BMP2K: variants seen among roughly 807,000 people sequenced by gnomAD.
BMP2K encodes BMP2 inducible kinase.
A neutral mutation model predicts 116.0 loss-of-function variants in BMP2K; 74 were observed. The observed-to-expected ratio is 0.64, with a 90% CI of 0.53 to 0.77. BMP2K has a LOEUF of 0.77. Among genes scored for constraint, BMP2K ranks in the 30% least tolerant of loss-of-function variants. The pLI, the probability that BMP2K is intolerant of heterozygous loss-of-function variation, is 0.00. For synonymous variants in BMP2K, 486 were observed against 502.5 expected (o/e 0.97, Z 0.44); for missense variants, 1,365 against 1,403.6 (o/e 0.97, Z 0.44).
At chr4:78,805,680 G>A (rs1728782292) in intron 1 of BMP2K, among the ~76,000 whole-genome samples, 1 of 152,036 alleles carries the variant, frequency 6.6e-6, no homozygotes, top group African/African-American at 2.4e-5. Flanking sequence ...TAGAAATACA[G>A]TTCCTTTAGG....
chr4:78,903,457 A>G (rs1383674435), intron 15 of BMP2K, among the ~76,000 whole-genome samples: 1 of 151,968 alleles, frequency 6.6e-6, no homozygotes, highest in Non-Finnish European at 1.5e-5. Flanking sequence ...TTATCAAAAT[A>G]CACATTAGTA....
At chr4:78,889,501 C>CTT (rs1733308997) in intron 15 of BMP2K, among the ~76,000 whole-genome samples, 1 of 152,132 alleles carries the variant, frequency 6.6e-6, no homozygotes, top group African/African-American at 2.4e-5. Flanking sequence ...CTTTGAAATA[C>CTT]TTTGTCATGT....
At chr4:78,847,540 A>G (rs1435901220) in intron 6 of BMP2K, among the ~76,000 whole-genome samples, 1 of 151,662 alleles carries the variant, frequency 6.6e-6, no homozygotes, top group Non-Finnish European at 1.5e-5. Flanking sequence ...TAGATTATAT[A>G]TGAGTGTTAA....
chr4:78,798,011 C>T (rs1317439221), intron 1 of BMP2K, among the ~76,000 whole-genome samples: 2 of 152,070 alleles, frequency 1.3e-5, no homozygotes, highest in Admixed American at 1.3e-4. Flanking sequence ...AATGGGGGGT[C>T]TCACTTCGTT....
intron 15 of BMP2K, among the ~76,000 whole-genome samples, chr4:78,897,350 A>G (rs1395771548): frequency 6.6e-6 from 1 of 152,156 alleles, no homozygotes; most frequent in Non-Finnish European, 1.5e-5. Context: ...ATATTAAATT[A>G]TGGCTTATTT....
At chr4:78,816,390 A>C (rs1262571193) in intron 1 of BMP2K, among the ~76,000 whole-genome samples, 1 of 152,112 alleles carries the variant, frequency 6.6e-6, no homozygotes, top group African/African-American at 2.4e-5. Flanking sequence ...CTATGATTTT[A>C]GCATACATTG....
intron 14 of BMP2K, chr4:78,879,867 A>G (rs987028934): frequency 2.0e-5 from 3 of 152,184 alleles, no homozygotes; most frequent in African/African-American, 7.2e-5. Context: ...TTAAATTTGT[A>G]TTTTATATAT....
chr4:78,778,970 C>T (rs1727377081), intron 1 of BMP2K, among the ~76,000 whole-genome samples: 1 of 152,162 alleles, frequency 6.6e-6, no homozygotes, highest in Non-Finnish European at 1.5e-5. Flanking sequence ...TTAAACAGAG[C>T]CAGGAAGACT....
At position 78,882,151 on chromosome 4, in the gene BMP2K, G is replaced by A. The variant is rs1004581857; in HGVS notation, c.1951+3260G>A. ...AAAGGAAAATAATATGCTGTTTAGG[G>A]AATATTTTATGTGTATTATCCAGAA... On this transcript the variant is annotated intron_variant, in intron 14 of 15. Coordinates refer to ENST00000502613, the MANE Select transcript of BMP2K (RefSeq NM_198892.2). 8.6e-5 allele frequency among the ~76,000 whole-genome samples: 13 copies of A among 151,808 alleles called. No homozygotes were observed. The East Asian group carries it at 2.5e-3, about 29-fold the overall frequency.
chr4:78,848,047 C>T (rs1479288063), intron 6 of BMP2K, among the ~76,000 whole-genome samples: 2 of 151,446 alleles, frequency 1.3e-5, no homozygotes, highest in East Asian at 1.9e-4. Context: ...AATTGTCAGG[C>T]GTAATGTGTA....
intron 9 of BMP2K, among the ~76,000 whole-genome samples, chr4:78,863,787 A>G (rs751032572): frequency 2.6e-5 from 4 of 152,184 alleles, no homozygotes; most frequent in African/African-American, 4.8e-5. Flanking sequence ...TCCTTCACAT[A>G]GAATGCCTGG....
intron 14 of BMP2K, among the ~76,000 whole-genome samples, chr4:78,885,572 C>T (rs906340311): frequency 1.3e-5 from 2 of 152,172 alleles, no homozygotes; most frequent in Admixed American, 1.3e-4. Context: ...TAGGGAATTC[C>T]AATTCTACTT....
intron 1 of BMP2K, among the ~76,000 whole-genome samples, chr4:78,812,278 A>G (rs1012754257): frequency 1.3e-5 from 2 of 152,116 alleles, no homozygotes; most frequent in Admixed American, 1.3e-4. Context: ...CTTTAATGGG[A>G]ATTTTTTTTT....
intron 1 of BMP2K, among the ~76,000 whole-genome samples, chr4:78,784,380 A>G (rs1454302256): frequency 1.3e-5 from 2 of 152,186 alleles, no homozygotes; most frequent in Non-Finnish European, 2.9e-5. Context: ...TCTTGCATGC[A>G]TCTGGTGAAC....
chr4:78,834,979 T>A (rs1730398943), intron 3 of BMP2K, among the ~76,000 whole-genome samples: 1 of 152,218 alleles, frequency 6.6e-6, no homozygotes, highest in Non-Finnish European at 1.5e-5. Context: ...TGCTGATTTT[T>A]TTCTACCCCA....
chr4:78,825,175 G>A (rs1197541468), intron 1 of BMP2K, among the ~76,000 whole-genome samples: 3 of 152,154 alleles, frequency 2.0e-5, no homozygotes, highest in Non-Finnish European at 4.4e-5. Flanking sequence ...CTGTACTCCA[G>A]CCTGGGCAAC....
intron 10 of BMP2K, among the ~76,000 whole-genome samples, chr4:78,869,265 C>G (rs930791833): frequency 1.3e-5 from 2 of 152,210 alleles, no homozygotes; most frequent in African/African-American, 4.8e-5. Context: ...ACAGCCTGAG[C>G]TCTACGTTGG....
At chr4:78,778,462 C>T (rs932105465) in intron 1 of BMP2K, among the ~76,000 whole-genome samples, 1 of 152,192 alleles carries the variant, frequency 6.6e-6, no homozygotes, top group African/African-American at 2.4e-5. Context: ...TATCATTTCT[C>T]TTGAAAAGTC....
chr4:78,892,104 T>G (rs893982952), intron 15 of BMP2K, among the ~76,000 whole-genome samples: 1 of 152,234 alleles, frequency 6.6e-6, no homozygotes, highest in Non-Finnish European at 1.5e-5. Context: ...TATGTTGGTC[T>G]CGTAAAATGA....
Sources: gnomAD v4.1 joint callset for allele counts (sites outside exome capture counted in the v4.1 genomes callset) on GRCh38, gnomAD v4.1.1 for gene constraint, MANE v1.5 for transcripts, NCBI Gene and HGNC (gene_info 2026-07-23, HGNC 2026-07-21) for gene names.